Variants in SERPINC1 observed in about 807,000 individuals in gnomAD.
The protein encoded by SERPINC1 is antithrombin-III.
In SERPINC1, 12 loss-of-function variants were observed where a neutral mutation model predicts 43.4. That is an observed-to-expected ratio of 0.28 (90% CI 0.18 to 0.45). The LOEUF (loss-of-function observed/expected upper bound fraction) is 0.45, where lower values mean the gene tolerates loss of function less well. SERPINC1 is among the 20% of genes least tolerant of loss of function. SERPINC1 has a pLI of 1.00. For synonymous variants in SERPINC1, 210 were observed against 218.9 expected (o/e 0.96, Z 0.36); for missense variants, 423 against 578.8 (o/e 0.73, Z 2.76).
intron 1 of SERPINC1, among the ~76,000 whole-genome samples, chr1:173,916,232 T>G (rs61827937): frequency 6.6e-6 from 1 of 152,204 alleles, no homozygotes; most frequent in African/African-American, 2.4e-5. Flanking sequence ...GGGCAGGGGC[T>G]GCCTCCAGCT....
At chr1:173,910,920 A>G in intron 3 of SERPINC1, 29 bp from the exon 4 acceptor site, 1 of 1,613,632 alleles carries the variant, frequency 6.2e-7, no homozygotes, top group African/African-American at 1.3e-5. Context: ...AAACCTACTC[A>G]CCTGTGCTAT....
chr1:173,910,727 G>C, intron 4 of SERPINC1, 27 bp downstream of exon 4: 1 of 1,612,534 alleles, frequency 6.2e-7, no homozygotes, highest in East Asian at 2.2e-5. Flanking sequence ...GAAGTCCCTG[G>C]GGTCTCTCCA....
At chr1:173,913,767 A>G (rs1190609828) in intron 2 of SERPINC1, among the ~76,000 whole-genome samples, 1 of 151,530 alleles carries the variant, frequency 6.6e-6, no homozygotes, top group Non-Finnish European at 1.5e-5. Context: ...GAGGCTGAGA[A>G]TTGCTTGAAC....
chr1:173,912,018 T>G lies in SERPINC1; in HGVS notation c.409-4A>C. 6.2e-7 allele frequency: 1 copy of G among 1,610,264 alleles called. No homozygotes were observed. Among genetic ancestry groups the G allele is most frequent in the Non-Finnish European group, 8.5e-7 (1 of 1,176,570 alleles). On this transcript the variant is annotated splice_region_variant and splice_polypyrimidine_tract_variant and intron_variant, in intron 2 of 6. Transcript: ENST00000367698. ...ATATGGTGTCAAACTTAAATACCTA[T>G]AGAAGTCAAAAAAAAATGGTGGTGG... is the stretch of plus-strand genomic sequence containing the variant.
At chr1:173,913,207 C>G (rs1657844818) in intron 2 of SERPINC1, among the ~76,000 whole-genome samples, 1 of 152,130 alleles carries the variant, frequency 6.6e-6, no homozygotes, top group Admixed American at 6.6e-5. Context: ...AAGTGTGATC[C>G]AACTTGAAGA....
chr1:173,909,667 C>T lies in SERPINC1; in HGVS notation c.1038G>A (p.Met346Ile), dbSNP rs1010218433. ...LQEWLDELEE[M>I]MLVVHMPRFR... is the part of the protein sequence containing the mutation. ...AGCGGGGCATGTGGACCACCAGCAT[C>T]ATCTCCTCCAATTCATCCAGCCACT... The change falls in exon 5 of 7, where the codon ATG becomes ATA. Residue 346 changes from methionine (M) to isoleucine (I), a missense_variant. Met to Ile is a conservative substitution (Grantham distance 10). Coordinates refer to ENST00000367698, the MANE Select transcript of SERPINC1 (RefSeq NM_000488.4). 3.7e-6 allele frequency: 6 copies of T among 1,613,660 alleles called. No individual in the cohort carries two copies. In the African/African-American group the frequency reaches 4.0e-5, roughly 11 times the overall value.
At chr1:173,917,123 T>C in intron 1 of SERPINC1, 96 bp downstream of exon 1, 1 of 1,027,638 alleles carries the variant, frequency 9.7e-7, no homozygotes, top group Non-Finnish European at 1.5e-6. Context: ...GGAGAGGGCC[T>C]GGTCTTCTCA....
chr1:173,917,164 T>C (rs896860865), intron 1 of SERPINC1, 55 bp downstream of exon 1: 1 of 1,487,608 alleles, frequency 6.7e-7, no homozygotes, highest in Non-Finnish European at 9.4e-7. Flanking sequence ...TGTGAGTCCT[T>C]TGGAGGTCAC....
chr1:173,905,072 A>G (rs1199553389), intron 6 of SERPINC1, among the ~76,000 whole-genome samples: 5 of 152,146 alleles, frequency 3.3e-5, no homozygotes, highest in African/African-American at 1.2e-4. Context: ...TCCTAATAGT[A>G]ACTCAGACCC....
intron 6 of SERPINC1, among the ~76,000 whole-genome samples, chr1:173,906,446 A>G (rs1657515027): frequency 6.6e-6 from 1 of 152,170 alleles, no homozygotes; most frequent in South Asian, 2.1e-4. Flanking sequence ...GAGGATATGC[A>G]TTTATTTGAC....
intron 1 of SERPINC1, 99 bp downstream of exon 1, chr1:173,917,120 G>C: frequency 1.0e-6 from 1 of 984,346 alleles, no homozygotes; most frequent in Non-Finnish European, 1.6e-6. Context: ...CAGGGAGAGG[G>C]CCTGGTCTTC....
chr1:173,912,041 T>A (rs1657794630), intron 2 of SERPINC1, 27 bp from the exon 3 acceptor site: 2 of 1,545,082 alleles, frequency 1.3e-6, no homozygotes, highest in African/African-American at 1.4e-5. Flanking sequence ...AAAATGGTGG[T>A]GGGTTTGGTG....
In SERPINC1 at chr1:173,910,748, G is replaced by A; in HGVS notation, c.762+6C>T. 1 of 1,613,958 alleles carries A rather than the reference G, an allele frequency of 6.2e-7. No homozygotes were observed. The highest frequency in any genetic ancestry group is 8.5e-7 in the Non-Finnish European group (1 of 1,179,890). ...CCTGGGGTCTCTCCAGGGCCATTCT[G>A]AGTACCTTGAAGTAAATGGTGTTAA... On this transcript the variant is annotated splice_donor_region_variant and intron_variant, in intron 4 of 6. Transcript: ENST00000367698.
At chr1:173,909,425 G>A (rs937756681) in intron 5 of SERPINC1, 127 bp downstream of exon 5, 11 of 947,270 alleles carry the variant, frequency 1.2e-5, no homozygotes, top group African/African-American at 1.6e-5. Flanking sequence ...CAAATTAGCA[G>A]TAGAAACTAG....
In SERPINC1 at chr1:173,912,148, A is replaced by G. The variant is rs1657797566; in HGVS notation, c.409-134T>C. 3 of 721,638 alleles carry G rather than the reference A, an allele frequency of 4.2e-6. No individual in the cohort carries two copies. In the South Asian group the frequency reaches 4.4e-5, roughly 11 times the overall value. 44.7% of individuals were successfully genotyped at this position (721,638 alleles called of 1,614,324 possible). A position where few individuals can be genotyped will look rare whatever the true frequency, so the allele number is the denominator to read the frequency against. On this transcript the variant is annotated intron_variant, in intron 2 of 6. Coordinates refer to ENST00000367698, the MANE Select transcript of SERPINC1 (RefSeq NM_000488.4). ...CTCCTTCAAGCACAGTACCTGGGAC[A>G]GCATAAATGCTCAACTCTTGTGTTC...
intron 5 of SERPINC1, among the ~76,000 whole-genome samples, chr1:173,908,018 A>AAT (rs1364150136): frequency 2.2e-5 from 3 of 138,666 alleles, no homozygotes; most frequent in Admixed American, 7.4e-5. Context: ...TAATAATAAT[A>AAT]ATAATAATAA....
chr1:173,904,063 T>A lies in SERPINC1; in HGVS notation c.1221A>T (p.Val407=), dbSNP rs781733242. ...SDAFHKAFLE[V]NEEGSEAAAS... is the part of the protein sequence containing the mutation. ...CAGCTGCTTCACTGCCTTCTTCATT[T>A]ACCTGCAGGTCACATGGGAAATAAA... The change falls in exon 7 of 7, where the codon GTA becomes GTT. Residue 407 remains valine (V), a splice_region_variant and synonymous_variant. Transcript: ENST00000367698. 2.5e-6 allele frequency: 4 copies of A among 1,614,188 alleles called. No homozygotes were observed. The highest frequency in any genetic ancestry group is 3.4e-6 in the Non-Finnish European group (4 of 1,179,988).
chr1:173,910,637 A>G, intron 4 of SERPINC1, 117 bp downstream of exon 4: 2 of 849,518 alleles, frequency 2.4e-6, no homozygotes, highest in Non-Finnish European at 3.9e-6. Flanking sequence ...GTACCTGTGT[A>G]GCTTTCGGCA....
In SERPINC1 at chr1:173,903,877, A is replaced by C. The variant is rs753725301; in HGVS notation, c.*12T>G. The C allele has an allele frequency of 6.2e-7, 1 of 1,613,004 alleles. No individual in the cohort carries two copies. The highest frequency in any genetic ancestry group is 8.5e-7 in the Non-Finnish European group (1 of 1,179,008). ...ACCAAAAATAGGAAGAGGTGCAAAG[A>C]ATAAGAACATTTTACTTAACACAAG... is the stretch of plus-strand genomic sequence containing the variant. On this transcript the variant is annotated 3_prime_UTR_variant, in exon 7 of 7. Coordinates refer to ENST00000367698, the MANE Select transcript of SERPINC1 (RefSeq NM_000488.4).
Sources: gnomAD v4.1 joint callset for allele counts (sites outside exome capture counted in the v4.1 genomes callset) on GRCh38, gnomAD v4.1.1 for gene constraint, MANE v1.5 for transcripts, NCBI Gene and HGNC (gene_info 2026-07-23, HGNC 2026-07-21) for gene names.